The following EIF4ENIF1 variants were observed in gnomAD, a reference collection of about 807,000 sequenced individuals.
EIF4ENIF1 encodes the protein eukaryotic translation initiation factor 4E nuclear import factor 1.
Under a neutral mutation model 110.5 loss-of-function variants are expected in EIF4ENIF1, and 23 were observed. That is an observed-to-expected ratio of 0.21 (90% CI 0.15 to 0.29). The LOEUF (loss-of-function observed/expected upper bound fraction) is 0.29. EIF4ENIF1 is among the 10% of genes least tolerant of loss of function. EIF4ENIF1 has a pLI of 1.00. For synonymous variants in EIF4ENIF1, 440 were observed against 437.0 expected (o/e 1.01, Z -0.09); for missense variants, 1,031 against 1,221.1 (o/e 0.84, Z 2.32).
rs992147331 is a variant in EIF4ENIF1, at chr22:31,488,708, C to G, written c.11G>C (p.Arg4Thr). The stretch of plus-strand genomic sequence containing the variant: ...TCCACTTTCTGTTTCACCCATACTT[C>G]TCCTATCCATGGCTCCTTGGTCTAC... MDR[R>T]SMGETESGDA... The change falls in exon 2 of 19, where the codon AGA (arginine) becomes ACA (threonine). Residue 4 changes from arginine (R) to threonine (T), a missense_variant. Arg to Thr is a moderately conservative substitution (Grantham distance 71). This residue lies in a region of EIF4ENIF1 where 704 missense variants were observed against 879.7 expected (regional missense o/e 0.80). Coordinates refer to ENST00000330125, the MANE Select transcript of EIF4ENIF1 (RefSeq NM_019843.4). 2.5e-6 allele frequency: 4 copies of G among 1,613,818 alleles called. No homozygotes were observed. Among genetic ancestry groups the G allele is most frequent in the Non-Finnish European group, 3.4e-6 (4 of 1,180,008 alleles).
At chr22:31,461,146 C>T (rs1041239513) in intron 6 of EIF4ENIF1, among the ~76,000 whole-genome samples, 2 of 152,104 alleles carry the variant, frequency 1.3e-5, no homozygotes, top group African/African-American at 4.8e-5. Flanking sequence ...ATTGTTCTTC[C>T]CTTTACAAAG....
intron 17 of EIF4ENIF1, 124 bp downstream of exon 17, chr22:31,441,650 A>G: frequency 1.2e-6 from 1 of 833,320 alleles, no homozygotes; most frequent in East Asian, 2.7e-5. Context: ...TGCCAGTTAG[A>G]TGGGAGAATC....
rs368559081 is a variant in EIF4ENIF1 at position 31,458,620 on chromosome 22, T to C, written c.818A>G (p.Glu273Gly). ...GIVECNGGVA[E>G]EDEVEVILAQ... ...AAGGATGACCTCCACTTCATCCTCT[T>C]CGGCCACTCCTCCATTGCACTCTAC... Residue 273 changes from glutamate (E) to glycine (G), a missense_variant, in exon 7 of 19, where the codon GAA becomes GGA. Transcript: ENST00000330125. The C allele has an allele frequency of 6.8e-6, 11 of 1,609,830 alleles. No individual in the cohort carries two copies. The highest frequency in any genetic ancestry group is 8.5e-6 in the Non-Finnish European group (10 of 1,178,020).
chr22:31,486,221 G>T (rs1418960987), intron 2 of EIF4ENIF1, among the ~76,000 whole-genome samples: 2 of 151,516 alleles, frequency 1.3e-5, no homozygotes, highest in Admixed American at 6.6e-5. Context: ...AGTGAGCCGA[G>T]ATAGCATCAT....
chr22:31,458,789 C>A (rs554779836), intron 6 of EIF4ENIF1, 139 bp from the exon 7 acceptor site: 10 of 697,684 alleles, frequency 1.4e-5, no homozygotes, highest in Admixed American at 3.6e-5. Context: ...ACTGTACTTG[C>A]AAGAATAAAA....
chr22:31,492,308 TCAAAG>T (rs1208700145), upstream of EIF4ENIF1, among the ~76,000 whole-genome samples: 1 of 152,182 alleles, frequency 6.6e-6, no homozygotes, highest in Non-Finnish European at 1.5e-5. Flanking sequence ...TACCCTATAT[TCAAAG>T]CAAAGGAACT....
At chr22:31,490,520 T>A (rs1271088549), upstream of EIF4ENIF1, among the ~76,000 whole-genome samples, 1 of 152,182 alleles carries the variant, frequency 6.6e-6, no homozygotes, top group African/African-American at 2.4e-5. Flanking sequence ...TTGGCTTTGA[T>A]AGCGATAAAG....
chr22:31,449,197 A>G, intron 12 of EIF4ENIF1, 151 bp downstream of exon 12: 1 of 666,424 alleles, frequency 1.5e-6, no homozygotes, highest in East Asian at 2.9e-5. Context: ...TTTAGTAGAG[A>G]TGGGGTTTCA....
intron 9 of EIF4ENIF1, among the ~76,000 whole-genome samples, chr22:31,454,698 A>G (rs749495812): frequency 6.6e-6 from 1 of 152,132 alleles, no homozygotes; most frequent in Non-Finnish European, 1.5e-5. Context: ...GTTACCTGGG[A>G]CAAGAATCCC....
intron 2 of EIF4ENIF1, among the ~76,000 whole-genome samples, chr22:31,477,931 C>T (rs144288968): frequency 1.6e-4 from 25 of 152,242 alleles, no homozygotes; most frequent in Admixed American, 1.3e-3. Flanking sequence ...CATTTGAAAC[C>T]ATATGGAAAA....
rs1319065653 is a variant in EIF4ENIF1 at position 31,440,897 on chromosome 22, G to C, written c.2552-29C>G. On this transcript the variant is annotated intron_variant, in intron 17 of 18. Transcript: ENST00000330125. ...TTGAGCAGAAAAAGCAAGCAGCTGA[G>C]TAGTCTTAATGTTACCTGGAAGTTT... 1.9e-6 allele frequency: 3 copies of C among 1,612,792 alleles called. No homozygotes were observed. In the South Asian group the frequency reaches 3.3e-5, roughly 18 times the overall value.
intron 6 of EIF4ENIF1, among the ~76,000 whole-genome samples, chr22:31,460,659 A>T (rs1398660424): frequency 7.0e-6 from 1 of 143,626 alleles, no homozygotes; most frequent in African/African-American, 2.6e-5. Context: ...TAAAAAAAAA[A>T]ATAGAGGACT....
At chr22:31,462,739 A>G (rs1325206839) in intron 6 of EIF4ENIF1, among the ~76,000 whole-genome samples, 193 bp downstream of exon 6, 1 of 152,026 alleles carries the variant, frequency 6.6e-6, no homozygotes, top group African/African-American at 2.4e-5. Context: ...ACCAGCCACC[A>G]CACCCCACTA....
At chr22:31,490,407 G>A (rs1035518986), upstream of EIF4ENIF1, among the ~76,000 whole-genome samples, 1 of 152,216 alleles carries the variant, frequency 6.6e-6, no homozygotes, top group Non-Finnish European at 1.5e-5. Flanking sequence ...AGGCAAAGCT[G>A]ACTTAACCTA....
rs1209738088 is a variant in EIF4ENIF1 at position 31,463,936 on chromosome 22, T to G, written c.330A>C (p.Leu110Phe). Reference sequence around the variant, plus strand: ...GTCTCTGAGGGCTGAGAACAACATCTAAGTCATCTTCTTTCACACGCTCTC... The same window carrying G: ...GTCTCTGAGGGCTGAGAACAACATCGAAGTCATCTTCTTTCACACGCTCTC... ...DPRERVKEDDLDVVLSPQRRS... is the reference protein window; with the variant it reads ...DPRERVKEDDFDVVLSPQRRS... The change falls in exon 5 of 19, where the codon TTA (leucine) becomes TTC (phenylalanine). Residue 110 changes from leucine (L) to phenylalanine (F), a missense_variant. Physicochemically the swap from Leu to Phe is conservative, Grantham distance 22. Coordinates refer to ENST00000330125, the MANE Select transcript of EIF4ENIF1 (RefSeq NM_019843.4). The G allele has an allele frequency of 6.2e-7, 1 of 1,613,754 alleles. No homozygotes were observed. Among genetic ancestry groups the G allele is most frequent in the Non-Finnish European group, 8.5e-7 (1 of 1,179,902 alleles).
At chr22:31,449,591 G>C in intron 11 of EIF4ENIF1, 60 bp from the exon 12 acceptor site, 1 of 1,508,568 alleles carries the variant, frequency 6.6e-7, no homozygotes, top group Non-Finnish European at 9.0e-7. Flanking sequence ...CAGAGGCTGT[G>C]AATTATGGAT....
chr22:31,493,275 C>T (rs1387152890), upstream of EIF4ENIF1, among the ~76,000 whole-genome samples: 8 of 152,130 alleles, frequency 5.3e-5, no homozygotes, highest in African/African-American at 1.9e-4. Context: ...ATGATCCACC[C>T]GCCTTGGCCT....
chr22:31,457,767 A>G (rs1302601996), intron 7 of EIF4ENIF1, among the ~76,000 whole-genome samples: 1 of 152,186 alleles, frequency 6.6e-6, no homozygotes, highest in Non-Finnish European at 1.5e-5. Context: ...TATCTAGACA[A>G]TTTCAATCAC....
intron 7 of EIF4ENIF1, among the ~76,000 whole-genome samples, chr22:31,456,640 G>C (rs781710786): frequency 1.2e-4 from 19 of 152,202 alleles, no homozygotes; most frequent in Non-Finnish European, 2.2e-4. Context: ...TCAGGCTCTC[G>C]AGTAGCTGGG....
Sources: gnomAD v4.1 joint callset for allele counts (sites outside exome capture counted in the v4.1 genomes callset) on GRCh38, gnomAD v4.1.1 for gene constraint, gnomAD v4.1.1 regional missense constraint, MANE v1.5 for transcripts, NCBI Gene and HGNC (gene_info 2026-07-23, HGNC 2026-07-21) for gene names.